The following PDE11A variants were observed in gnomAD, a reference collection of about 807,000 sequenced individuals.
PDE11A encodes the protein dual 3',5'-cyclic-AMP and -GMP phosphodiesterase 11A.
In PDE11A, 100 loss-of-function variants were observed where a neutral mutation model predicts 100.5. That is an observed-to-expected ratio of 1.00 (90% confidence interval 0.85 to 1.18). The LOEUF is 1.18. PDE11A is among the 50% of genes most tolerant of loss of function. The pLI is 0.00. For missense variants in PDE11A, 1,141 were observed against 1,152.6 expected (o/e 0.99, Z 0.15); for synonymous variants, 381 against 420.8 (o/e 0.91, Z 1.16).
At chr2:178,051,098 G>A (rs2086821078) in intron 1 of PDE11A, among the ~76,000 whole-genome samples, 1 of 152,158 alleles carries the variant, frequency 6.6e-6, no homozygotes, top group Non-Finnish European at 1.5e-5. Context: ...GCTAAGGGCA[G>A]CCAGAGAGAA....
chr2:177,680,851 T>C lies in PDE11A; in HGVS notation c.2398A>G (p.Ile800Val). 1 of 1,587,446 alleles carries C rather than the reference T, an allele frequency of 6.3e-7. No homozygotes were observed. Among genetic ancestry groups the C allele is most frequent in the Non-Finnish European group, 8.6e-7 (1 of 1,156,510 alleles). Residue 800 changes from isoleucine to valine, a missense_variant, in exon 16 of 20, where the codon ATC (isoleucine) becomes GTC (valine). By Grantham distance (29) the Ile-to-Val change is conservative (BLOSUM62 3). Transcript: ENST00000286063. Reference sequence around the variant, plus strand: ...CGAAATATATCACGATGGTTTTTGATGTTCCAATCGTATTCTCCTTTACTG... The same window carrying C: ...CGAAATATATCACGATGGTTTTTGACGTTCCAATCGTATTCTCCTTTACTG... The part of the protein sequence containing the change: ...LVSKGEYDWN[I>V]KNHRDIFRSM...
chr2:177,820,304 C>T lies in PDE11A; in HGVS notation c.1501-9G>A, dbSNP rs757070578. 29 of 1,518,454 alleles carry T rather than the reference C, an allele frequency of 1.9e-5. No individual in the cohort carries two copies. The highest frequency in any genetic ancestry group is 2.7e-5 in the Non-Finnish European group (29 of 1,094,166). The allele number at this position is 1,518,454 out of a possible 1,614,324, so 94.1% of individuals were successfully genotyped here. On this transcript the variant is annotated splice_polypyrimidine_tract_variant and intron_variant, in intron 6 of 19. Coordinates refer to ENST00000286063, the MANE Select transcript of PDE11A (RefSeq NM_016953.4). ...CCAGATATCTGGTCTGCCTAGGAAA[C>T]AAGAAAGAAGTTAATTAAAATTGAA...
chr2:178,107,043 A>G (rs1461541327), intron 1 of PDE11A, among the ~76,000 whole-genome samples: 1 of 152,080 alleles, frequency 6.6e-6, no homozygotes, highest in Non-Finnish European at 1.5e-5. Context: ...GAAACCAGAC[A>G]TTTAAAAACA....
intron 5 of PDE11A, among the ~76,000 whole-genome samples, chr2:177,875,294 TTAATCC>T (rs557544216): frequency 1.3e-3 from 205 of 152,254 alleles, no homozygotes; most frequent in Non-Finnish European, 9.3e-4. Context: ...AGGCAACATT[TTAATCC>T]TATTACAAGT....
chr2:178,062,634 T>G (rs2086987150), intron 1 of PDE11A, among the ~76,000 whole-genome samples: 1 of 152,234 alleles, frequency 6.6e-6, no homozygotes, highest in Admixed American at 6.5e-5. Context: ...ACTTTAAATA[T>G]GTAATCATGC....
intron 5 of PDE11A, among the ~76,000 whole-genome samples, chr2:177,848,412 C>T (rs1434279119): frequency 1.3e-5 from 2 of 152,144 alleles, no homozygotes; most frequent in Non-Finnish European, 1.5e-5. Flanking sequence ...CAAAGTAGAC[C>T]TCCCTAAGCT....
At chr2:178,029,893 G>C (rs2086523432) in intron 1 of PDE11A, among the ~76,000 whole-genome samples, 1 of 151,970 alleles carries the variant, frequency 6.6e-6, no homozygotes, top group Admixed American at 6.6e-5. Context: ...TGCAGAAGTG[G>C]GTCTGCCTCT....
intron 2 of PDE11A, among the ~76,000 whole-genome samples, chr2:177,928,862 CA>C (rs201321658): frequency 4.4e-4 from 66 of 148,810 alleles, no homozygotes; most frequent in Non-Finnish European, 7.2e-4. Flanking sequence ...GACCCTGTCT[CA>C]AAAAAAAATA....
At chr2:177,864,087 T>C (rs773010734) in intron 5 of PDE11A, among the ~76,000 whole-genome samples, 1 of 152,126 alleles carries the variant, frequency 6.6e-6, no homozygotes, top group Non-Finnish European at 1.5e-5. Context: ...CACTAGGTGC[T>C]ACAGGACAGA....
chr2:178,001,275 AGTGTGTGTGTGT>A (rs57136586), intron 2 of PDE11A, among the ~76,000 whole-genome samples: 46 of 140,756 alleles, frequency 3.3e-4, no homozygotes, highest in Non-Finnish European at 4.4e-4. Flanking sequence ...ACAATGTGAA[AGTGTGTGTGTGT>A]GTGTGTGTGT....
At chr2:177,741,788 A>G (rs2081874393) in intron 10 of PDE11A, among the ~76,000 whole-genome samples, 1 of 152,212 alleles carries the variant, frequency 6.6e-6, no homozygotes, top group East Asian at 1.9e-4. Flanking sequence ...TCATGCCTGT[A>G]ATCCCAACAC....
chr2:177,928,744 T>C (rs1323210081), intron 2 of PDE11A, among the ~76,000 whole-genome samples: 2 of 152,100 alleles, frequency 1.3e-5, no homozygotes, highest in Non-Finnish European at 2.9e-5. Flanking sequence ...ATGCCTGTGG[T>C]CCCAGCTACT....
At chr2:178,083,161 G>A (rs1035377147) in intron 2 of PDE11A, among the ~76,000 whole-genome samples, 5 of 150,036 alleles carry the variant, frequency 3.3e-5, no homozygotes, top group Non-Finnish European at 7.4e-5. Flanking sequence ...GTGCAGTGGC[G>A]CAATCTCAGC....
rs146788797 is a variant in PDE11A at position 177,660,097 on chromosome 2, T to TTCTC, written c.2646+3765_2646+3768dup. Among the ~76,000 whole-genome samples, 215 of 69,346 alleles carry TTCTC rather than the reference T, an allele frequency of 3.1e-3. 9 individuals are homozygous for TTCTC. Among genetic ancestry groups the TTCTC allele is most frequent in the Middle Eastern group, 0.026 (4 of 152 alleles). 45.5% of individuals were successfully genotyped at this position (69,346 alleles called of 152,430 possible). ...TTTCTTTCTTTCTTTCTTTCTTTCT[T>TTCTC]TCTCTCTCTCTCTCTTTCTTTCTTT... On this transcript the variant is annotated intron_variant, in intron 19 of 19. Coordinates refer to ENST00000286063, the MANE Select transcript of PDE11A (RefSeq NM_016953.4).
At chr2:177,857,644 T>C (rs1225007466) in intron 5 of PDE11A, among the ~76,000 whole-genome samples, 1 of 151,824 alleles carries the variant, frequency 6.6e-6, no homozygotes, top group Non-Finnish European at 1.5e-5. Context: ...AGAAGGCATA[T>C]AGAAAACAAA....
intron 18 of PDE11A, among the ~76,000 whole-genome samples, chr2:177,667,205 C>T (rs1196239155): frequency 6.6e-6 from 1 of 152,182 alleles, no homozygotes; most frequent in Non-Finnish European, 1.5e-5. Flanking sequence ...TGAGCCACCA[C>T]TCCTGGCTGT....
At chr2:177,987,183 C>A (rs1050682400) in intron 2 of PDE11A, among the ~76,000 whole-genome samples, 1 of 152,074 alleles carries the variant, frequency 6.6e-6, no homozygotes, top group Admixed American at 6.6e-5. Flanking sequence ...TTTACGAGGG[C>A]AGCTTTTCTT....
chr2:177,848,645 G>C (rs1325854842), intron 5 of PDE11A, among the ~76,000 whole-genome samples: 1 of 152,138 alleles, frequency 6.6e-6, no homozygotes, highest in Non-Finnish European at 1.5e-5. Flanking sequence ...GGATAAAAGA[G>C]AATTGCCCTA....
intron 2 of PDE11A, among the ~76,000 whole-genome samples, chr2:177,959,924 A>C (rs548622157): frequency 4.3e-4 from 66 of 152,316 alleles, no homozygotes; most frequent in African/African-American, 1.5e-3. Flanking sequence ...AAATAATTAT[A>C]CTATCCTTTT....
Sources: gnomAD v4.1 joint callset for allele counts (sites outside exome capture counted in the v4.1 genomes callset) on GRCh38, gnomAD v4.1.1 for gene constraint, MANE v1.5 for transcripts, NCBI Gene and HGNC (gene_info 2026-07-23, HGNC 2026-07-21) for gene names.